CCDC88A: variants seen among roughly 807,000 people sequenced by gnomAD.
CCDC88A encodes coiled-coil and HOOK domain protein 88A.
A neutral mutation model predicts 234.3 loss-of-function variants in CCDC88A; 54 were observed. The observed-to-expected ratio is 0.23, with a 90% CI of 0.19 to 0.29. The LOEUF (loss-of-function observed/expected upper bound fraction) is 0.29. Ranked by LOEUF, CCDC88A falls within the 10% of genes least tolerant of loss-of-function variation. CCDC88A has a pLI of 1.00. For synonymous variants in CCDC88A, 753 were observed against 737.8 expected, an observed-to-expected ratio of 1.02 and a Z score of -0.33; for missense variants, 1,832 against 2,123.4, an observed-to-expected ratio of 0.86 and a Z score of 2.70.
chr2:55,305,663 A>G (rs933690674), intron 25 of CCDC88A, among the ~76,000 whole-genome samples: 4 of 152,202 alleles, frequency 2.6e-5, no homozygotes, highest in South Asian at 2.1e-4. Context: ...TCTGGGCTTA[A>G]TAAGTGAGAC....
intron 7 of CCDC88A, chr2:55,362,009 C>T (rs1671383862): frequency 4.7e-6 from 1 of 210,850 alleles, no homozygotes; most frequent in Non-Finnish European, 9.3e-6. Context: ...ACTATATTTT[C>T]AGTTTCACAC....
chr2:55,400,420 T>C (rs1239084322), intron 2 of CCDC88A, among the ~76,000 whole-genome samples: 1 of 152,168 alleles, frequency 6.6e-6, no homozygotes, highest in Non-Finnish European at 1.5e-5. Context: ...AGCCTAGCAA[T>C]ATGGCTCAAA....
At chr2:55,377,978 C>G (rs1322933379) in intron 3 of CCDC88A, among the ~76,000 whole-genome samples, 1 of 152,146 alleles carries the variant, frequency 6.6e-6, no homozygotes, top group Non-Finnish European at 1.5e-5. Flanking sequence ...AGATAAAACT[C>G]ATTTACGTCA....
rs57996645 is a variant in CCDC88A, at chr2:55,328,744, CTTTGT to C, written c.2856-314_2856-310del. On this transcript the variant is annotated intron_variant, in intron 16 of 32. Coordinates refer to ENST00000436346, the MANE Select transcript of CCDC88A (RefSeq NM_001365480.1). This position sits in a 1 kb window ranked among gnomAD's most constrained non-coding sequence, Gnocchi z 4.3. ...ATATCCTTTTTATTAATGAAGACTC[CTTTGT>C]TTTGTTTTGTTTTGTTTTGTTTTGT... 52,447 of 168,354 alleles carry C rather than the reference CTTTGT, an allele frequency of 0.31. 9,441 individuals carry two copies. The highest frequency in any genetic ancestry group is 0.65 in the East Asian group (3,490 of 5,404). The allele number at this position is 168,354 out of a possible 1,614,324, so 10.4% of individuals were successfully genotyped here.
At chr2:55,393,289 G>GTTTTTTTTTTTTTTTT (rs558827055) in intron 2 of CCDC88A, among the ~76,000 whole-genome samples, 5 of 61,658 alleles carry the variant, frequency 8.1e-5, no homozygotes, top group Admixed American at 2.9e-4. Context: ...GGTTTTTTGG[G>GTTTTTTTTTTTTTTTT]TTTTTTTTTT....
intron 2 of CCDC88A, among the ~76,000 whole-genome samples, chr2:55,408,057 T>G (rs919611237): frequency 1.3e-5 from 2 of 152,016 alleles, no homozygotes; most frequent in African/African-American, 2.4e-5. Context: ...CTACCTCTAG[T>G]GTTAAATCAA....
intron 7 of CCDC88A, chr2:55,356,644 T>A (rs960007404): frequency 4.6e-5 from 7 of 152,156 alleles, no homozygotes; most frequent in Admixed American, 2.0e-4. Flanking sequence ...AAAATTCAGT[T>A]CCGGGCCGGG....
intron 25 of CCDC88A, among the ~76,000 whole-genome samples, chr2:55,305,398 A>T (rs1312786511): frequency 6.6e-6 from 1 of 152,254 alleles, no homozygotes. Flanking sequence ...AAACTAAACA[A>T]CTGTAGGAAA....
Position 55,367,528 on chromosome 2 carries a change from G to GTTTTTTTTTTT in CCDC88A, c.403-3496_403-3495insAAAAAAAAAAA. On this transcript the variant is annotated intron_variant, in intron 5 of 32. Coordinates refer to ENST00000436346, the MANE Select transcript of CCDC88A (RefSeq NM_001365480.1). ...TTGCTAGAAATTGTTTTATTTCCTT[G>GTTTTTTTTTTT]TTTTTTTTTAAGAGACTGGGTCTTG... 1.4e-3 allele frequency among the ~76,000 whole-genome samples: 138 copies of GTTTTTTTTTTT among 99,868 alleles called. 28 individuals carry two copies. The South Asian group carries it at 0.019, about 14-fold the overall frequency. 65.5% of individuals were successfully genotyped at this position (99,868 alleles called of 152,430 possible). A position where few individuals can be genotyped will look rare whatever the true frequency, so the allele number is the denominator to read the frequency against.
At position 55,332,595 on chromosome 2, in the gene CCDC88A, G is replaced by T. The variant is rs778661207; in HGVS notation, c.2826C>A (p.Leu942=). 32 of 1,613,082 alleles carry T rather than the reference G, an allele frequency of 2.0e-5. No individual in the cohort carries two copies. Among genetic ancestry groups the T allele is most frequent in the Non-Finnish European group, 2.6e-5 (31 of 1,179,740 alleles). ...LEKIGLNKER[L]LHDEQSTDDS... ...CATCAGTACTTTGTTCATCATGTAA[G>T]AGTCGCTCCTTATTTAACCCTATCT... is the stretch of plus-strand genomic sequence containing the variant. The change falls in exon 16 of 33, where the codon CTC becomes CTA. Residue 942 remains leucine (L), a synonymous_variant. Coordinates refer to ENST00000436346, the MANE Select transcript of CCDC88A (RefSeq NM_001365480.1). This position sits in a 1 kb window ranked among gnomAD's most constrained non-coding sequence, Gnocchi z 4.5.
intron 25 of CCDC88A, among the ~76,000 whole-genome samples, chr2:55,305,880 TA>T (rs942708078): frequency 1.3e-4 from 19 of 149,874 alleles, no homozygotes; most frequent in African/African-American, 3.2e-4. Context: ...AAACTTCCTT[TA>T]AAAAAAAAAT....
At chr2:55,320,266 A>G (rs1683462007) in intron 18 of CCDC88A, among the ~76,000 whole-genome samples, 1 of 152,164 alleles carries the variant, frequency 6.6e-6, no homozygotes, top group Admixed American at 6.5e-5. Flanking sequence ...CACTTTAGAA[A>G]CTAAATTGTA....
chr2:55,316,395 T>C (rs1349198085), intron 21 of CCDC88A, among the ~76,000 whole-genome samples: 1 of 152,080 alleles, frequency 6.6e-6, no homozygotes, highest in Non-Finnish European at 1.5e-5. Flanking sequence ...TGTTGAAGTA[T>C]AGGTACTCAA....
chr2:55,308,453 A>C (rs1031334428), intron 25 of CCDC88A: 1 of 179,396 alleles, frequency 5.6e-6, no homozygotes, highest in Non-Finnish European at 1.2e-5. Context: ...AATTATGAAA[A>C]TGACATCTCA....
intron 3 of CCDC88A, among the ~76,000 whole-genome samples, chr2:55,379,395 C>T (rs962180656): frequency 1.7e-4 from 26 of 151,962 alleles, no homozygotes; most frequent in South Asian, 8.3e-4. Flanking sequence ...TAAAAATAAA[C>T]GGAGAAATAA....
In CCDC88A at chr2:55,362,386, C is replaced by T. The variant is rs146150698; in HGVS notation, c.549G>A (p.Gln183=). Reference sequence around the variant, plus strand: ...TTTTCAAGAGTGGTTCTATGTCCTCCTGCGACATATCAGTCACTTCCATCC... The same window carrying T: ...TTTTCAAGAGTGGTTCTATGTCCTCTTGCGACATATCAGTCACTTCCATCC... ...LQWMEVTDMS[Q]EDIEPLLKNM... Residue 183 remains glutamine (Q), a synonymous_variant, in exon 7 of 33, where the codon CAG becomes CAA. Coordinates refer to ENST00000436346, the MANE Select transcript of CCDC88A (RefSeq NM_001365480.1). 75 of 1,604,626 alleles carry T rather than the reference C, an allele frequency of 4.7e-5. No homozygotes were observed. Among genetic ancestry groups the T allele is most frequent in the South Asian group, 7.8e-5 (7 of 89,576 alleles).
intron 2 of CCDC88A, among the ~76,000 whole-genome samples, chr2:55,393,701 T>C (rs1228335511): frequency 1.3e-5 from 2 of 152,184 alleles, no homozygotes; most frequent in South Asian, 2.1e-4. Flanking sequence ...AATCACACCA[T>C]CAGTAAAGGA....
chr2:55,300,034 G>A, intron 28 of CCDC88A, 115 bp from the exon 29 acceptor site: 1 of 731,378 alleles, frequency 1.4e-6, no homozygotes. Flanking sequence ...ACTTTCACAA[G>A]ATGAGCATGC....
At chr2:55,301,346 C>T in intron 27 of CCDC88A, 69 bp from the exon 28 acceptor site, 3 of 794,506 alleles carry the variant, frequency 3.8e-6, no homozygotes, top group Non-Finnish European at 6.0e-6. Context: ...ATTTTATTTA[C>T]ATAGAATATG....
Sources: allele counts gnomAD v4.1 joint callset (sites outside exome capture counted in the v4.1 genomes callset), GRCh38; gene constraint gnomAD v4.1.1; non-coding constraint Gnocchi (gnomAD v3.1); transcripts MANE v1.5; gene names NCBI Gene and HGNC (gene_info 2026-07-23, HGNC 2026-07-21).